CNTN5: variants seen among roughly 807,000 people sequenced by gnomAD.
CNTN5 encodes contactin-5.
A neutral mutation model predicts 129.1 loss-of-function variants in CNTN5; 77 were observed. The ratio of observed to expected loss-of-function variants is 0.60; its 90% CI spans 0.50 to 0.72. CNTN5 has a LOEUF of 0.72. Ranked by LOEUF, CNTN5 falls within the 30% of genes least tolerant of loss-of-function variation. The pLI, the probability that CNTN5 is intolerant of heterozygous loss-of-function variation, is 0.00. For synonymous variants in CNTN5, 509 were observed against 465.6 expected (o/e 1.09, Z -1.20); for missense variants, 1,478 against 1,328.8 (o/e 1.11, Z -1.75).
chr11:100,311,095 C>T (rs568654875), intron 21 of CNTN5, among the ~76,000 whole-genome samples: 3 of 150,698 alleles, frequency 2.0e-5, no homozygotes, highest in East Asian at 1.9e-4. Flanking sequence ...CTGGGGAGGG[C>T]CTCAGACAGA....
intron 16 of CNTN5, among the ~76,000 whole-genome samples, chr11:100,246,111 T>C (rs909238281): frequency 6.6e-6 from 1 of 152,180 alleles, no homozygotes; most frequent in Non-Finnish European, 1.5e-5. Flanking sequence ...ATACATGCGT[T>C]CTTGTTTTCA....
At chr11:99,295,153 T>C (rs1041128573) in intron 1 of CNTN5, among the ~76,000 whole-genome samples, 2 of 152,136 alleles carry the variant, frequency 1.3e-5, no homozygotes, top group African/African-American at 4.8e-5. Context: ...ACCAAGAGTT[T>C]AGAGTATGCT....
intron 6 of CNTN5, among the ~76,000 whole-genome samples, chr11:99,880,787 T>C (rs1044373060): frequency 6.6e-6 from 1 of 152,228 alleles, no homozygotes; most frequent in African/African-American, 2.4e-5. Flanking sequence ...GGTAATAGAA[T>C]TGTCATCTCT....
intron 3 of CNTN5, among the ~76,000 whole-genome samples, chr11:99,786,216 C>G (rs1320719651): frequency 6.6e-6 from 1 of 152,014 alleles, no homozygotes. Flanking sequence ...CAATAATAGA[C>G]AAACAGGGAG....
chr11:100,349,720 G>A (rs2139036036), intron 23 of CNTN5, among the ~76,000 whole-genome samples: 1 of 151,884 alleles, frequency 6.6e-6, no homozygotes, highest in Non-Finnish European at 1.5e-5. Flanking sequence ...ACAAAAAACA[G>A]TGACTCTGAA....
At chr11:100,078,133 A>AT (rs1454583863) in intron 13 of CNTN5, among the ~76,000 whole-genome samples, 3 of 152,058 alleles carry the variant, frequency 2.0e-5, no homozygotes, top group East Asian at 3.9e-4. Flanking sequence ...CATTTGGCTC[A>AT]TTTTTTTCTA....
intron 4 of CNTN5, among the ~76,000 whole-genome samples, chr11:99,841,666 TGAA>T (rs1187898070): frequency 6.7e-6 from 1 of 149,794 alleles, no homozygotes; most frequent in African/African-American, 2.5e-5. Context: ...AGAAGGAGAA[TGAA>T]GAAGGAGGAA....
chr11:99,452,197 C>T (rs994088580), intron 2 of CNTN5, among the ~76,000 whole-genome samples: 4 of 151,896 alleles, frequency 2.6e-5, no homozygotes, highest in African/African-American at 9.7e-5. Context: ...TAAATGTATA[C>T]TGTAAAATAC....
intron 13 of CNTN5, among the ~76,000 whole-genome samples, chr11:100,080,730 G>T (rs891721602): frequency 6.6e-6 from 1 of 151,992 alleles, no homozygotes; most frequent in African/African-American, 2.4e-5. Context: ...TATTAAGAAC[G>T]TAAAACAATA....
intron 3 of CNTN5, among the ~76,000 whole-genome samples, chr11:99,752,293 A>G (rs565273584): frequency 8.5e-5 from 13 of 152,306 alleles, no homozygotes; most frequent in South Asian, 8.3e-4. Flanking sequence ...CCATTTCTCT[A>G]TGATGTACCT....
chr11:99,699,613 A>G (rs1485891602), intron 3 of CNTN5, among the ~76,000 whole-genome samples: 1 of 151,514 alleles, frequency 6.6e-6, no homozygotes, highest in Non-Finnish European at 1.5e-5. Flanking sequence ...CGAAGTATTA[A>G]GTGTATATAA....
intron 2 of CNTN5, among the ~76,000 whole-genome samples, chr11:99,464,493 G>A (rs1944857415): frequency 6.6e-6 from 1 of 152,058 alleles, no homozygotes; most frequent in Admixed American, 6.6e-5. Flanking sequence ...TAGGTGATGA[G>A]TATAAAAAAA....
intron 3 of CNTN5, among the ~76,000 whole-genome samples, chr11:99,668,659 T>C (rs1952900944): frequency 6.6e-6 from 1 of 152,188 alleles, no homozygotes; most frequent in Admixed American, 6.5e-5. Context: ...CTGGGAGCAG[T>C]GGCTCATGCC....
intron 2 of CNTN5, among the ~76,000 whole-genome samples, chr11:99,489,336 A>T (rs536615728): frequency 3.3e-5 from 5 of 152,168 alleles, no homozygotes; most frequent in Non-Finnish European, 7.4e-5. Context: ...AGCGTTATTT[A>T]TTCTGGTATA....
chr11:99,613,351 C>T (rs372310797), intron 3 of CNTN5, among the ~76,000 whole-genome samples: 6 of 152,128 alleles, frequency 3.9e-5, no homozygotes, highest in Non-Finnish European at 4.4e-5. Flanking sequence ...TTCCTGCAGT[C>T]TTGGGGAGAA....
At position 100,168,283 on chromosome 11, in the gene CNTN5, A is replaced by C. The variant is rs184997013; in HGVS notation, c.1581-22843A>C. 3.3e-5 allele frequency among the ~76,000 whole-genome samples: 5 copies of C among 152,102 alleles called. No homozygotes were observed. The East Asian group carries it at 9.7e-4, about 30-fold the overall frequency. Reference sequence around the variant, plus strand: ...AAACAGTAGATTTTCAATGTAGACAAAACAGCCTTATTTTGGAAGAGGATG... The same window carrying C: ...AAACAGTAGATTTTCAATGTAGACACAACAGCCTTATTTTGGAAGAGGATG... On this transcript the variant is annotated intron_variant, in intron 13 of 24. Coordinates refer to ENST00000524871, the MANE Select transcript of CNTN5 (RefSeq NM_014361.4).
chr11:99,963,024 ATTTG>A, intron 8 of CNTN5, among the ~76,000 whole-genome samples: 1 of 151,980 alleles, frequency 6.6e-6, no homozygotes, highest in Non-Finnish European at 1.5e-5. Flanking sequence ...TTTCTTGTAA[ATTTG>A]TTTGAGTTCA....
chr11:100,011,755 A>ATTC (rs1257193437), intron 9 of CNTN5, among the ~76,000 whole-genome samples: 7 of 152,146 alleles, frequency 4.6e-5, no homozygotes, highest in African/African-American at 1.7e-4. Context: ...GTTTACTGTA[A>ATTC]ATAAAAAGCC....
intron 3 of CNTN5, among the ~76,000 whole-genome samples, chr11:99,808,253 T>A (rs369044498): frequency 6.6e-6 from 1 of 152,116 alleles, no homozygotes; most frequent in African/African-American, 2.4e-5. Flanking sequence ...ACACTGATGA[T>A]GAGAGTGACA....
Sources: gnomAD v4.1 joint callset for allele counts (sites outside exome capture counted in the v4.1 genomes callset) on GRCh38, gnomAD v4.1.1 for gene constraint, MANE v1.5 for transcripts, NCBI Gene and HGNC (gene_info 2026-07-23, HGNC 2026-07-21) for gene names.